ADAM9: variants seen among roughly 807,000 people sequenced by gnomAD.
ADAM9 encodes ADAM metallopeptidase domain 9, also known as disintegrin and metalloproteinase domain-containing protein 9.
In ADAM9, 54 loss-of-function variants were observed where a neutral mutation model predicts 108.1. The ratio of observed to expected loss-of-function variants is 0.50; its 90% CI spans 0.40 to 0.63. The LOEUF is 0.63. Among genes scored for constraint, ADAM9 ranks in the 20% least tolerant of loss-of-function variants. The probability of loss-of-function intolerance (pLI) is 0.00; values close to 1 mark genes in which losing one functional copy is unlikely to be tolerated. For synonymous variants in ADAM9, 316 were observed against 336.0 expected, an observed-to-expected ratio of 0.94 and a Z score of 0.65; for missense variants, 830 against 997.7, an observed-to-expected ratio of 0.83 and a Z score of 2.26.
intron 1 of ADAM9, among the ~76,000 whole-genome samples, chr8:39,004,931 C>T (rs757866205): frequency 1.5e-4 from 23 of 152,284 alleles, no homozygotes; most frequent in Non-Finnish European, 2.8e-4. Flanking sequence ...ACTGTTTTAT[C>T]AGCAAAGTCT....
intron 16 of ADAM9, among the ~76,000 whole-genome samples, chr8:39,079,497 G>T (rs977577436): frequency 2.0e-5 from 3 of 151,910 alleles, no homozygotes; most frequent in African/African-American, 7.3e-5. Context: ...GCCATTTTTT[G>T]AGGCTTCTCA....
At chr8:39,072,105 G>A (rs1838713820) in intron 15 of ADAM9, among the ~76,000 whole-genome samples, 1 of 152,060 alleles carries the variant, frequency 6.6e-6, no homozygotes, top group African/African-American at 2.4e-5. Flanking sequence ...TCAAGATGAT[G>A]AATTTAAAAT....
intron 11 of ADAM9, among the ~76,000 whole-genome samples, chr8:39,033,490 G>A (rs1837167726): frequency 2.7e-5 from 4 of 150,894 alleles, no homozygotes; most frequent in Admixed American, 2.0e-4. Flanking sequence ...AGCATTGACA[G>A]TGTGTTTTTT....
chr8:39,020,768 G>A (rs1836711615), intron 7 of ADAM9, among the ~76,000 whole-genome samples: 2 of 151,814 alleles, frequency 1.3e-5, no homozygotes, highest in South Asian at 2.1e-4. Flanking sequence ...ATGTCACTTC[G>A]TTTTTCTGTC....
chr8:39,002,539 T>C (rs925185694), intron 1 of ADAM9, among the ~76,000 whole-genome samples: 2 of 151,852 alleles, frequency 1.3e-5, no homozygotes, highest in African/African-American at 4.8e-5. Context: ...GCCAGGCTGG[T>C]CTGGAATTCC....
At chr8:39,043,527 T>A (rs941758180) in intron 12 of ADAM9, among the ~76,000 whole-genome samples, 2 of 152,184 alleles carry the variant, frequency 1.3e-5, no homozygotes, top group Non-Finnish European at 2.9e-5. Context: ...TGATGATGAG[T>A]GACATTGAGC....
At chr8:39,008,417 G>T (rs568592158) in intron 2 of ADAM9, among the ~76,000 whole-genome samples, 7 of 152,024 alleles carry the variant, frequency 4.6e-5, no homozygotes, top group Non-Finnish European at 7.4e-5. Context: ...CAGGTCATTC[G>T]CCTGCCTCGG....
intron 20 of ADAM9, among the ~76,000 whole-genome samples, chr8:39,099,366 C>A (rs1021891667): frequency 1.9e-4 from 29 of 152,136 alleles, no homozygotes; most frequent in African/African-American, 6.8e-4. Context: ...TTCTTACTTC[C>A]CACCAACCCA....
intron 18 of ADAM9, among the ~76,000 whole-genome samples, chr8:39,083,540 T>A (rs373238938): frequency 6.6e-6 from 1 of 152,232 alleles, no homozygotes; most frequent in African/African-American, 2.4e-5. Context: ...TTTCCTGTAC[T>A]AGGCTACTAT....
chr8:39,064,989 G>A (rs1055605966), intron 14 of ADAM9, among the ~76,000 whole-genome samples: 1 of 152,162 alleles, frequency 6.6e-6, no homozygotes, highest in African/African-American at 2.4e-5. Context: ...GATATGCCTT[G>A]ATGTGGGTTT....
Position 39,104,307 on chromosome 8 carries a change from T to A in ADAM9, c.*607T>A. 2.2e-6 allele frequency: 1 copy of A among 453,026 alleles called. No individual in the cohort carries two copies. The highest frequency in any genetic ancestry group is 1.6e-5 in the South Asian group (1 of 64,330). The allele number at this position is 453,026 out of a possible 1,614,324, so 28.1% of individuals were successfully genotyped here. A position where few individuals can be genotyped will look rare whatever the true frequency, so the allele number is the denominator to read the frequency against. On this transcript the variant is annotated 3_prime_UTR_variant, in exon 22 of 22. Transcript: ENST00000487273. ...ATTATTTTGAAAGTACAAAATATAC[T>A]AAAAGAGTGTGTGTGTATTCACGCA...
At chr8:39,036,356 A>G (rs1837275301) in intron 11 of ADAM9, among the ~76,000 whole-genome samples, 1 of 123,358 alleles carries the variant, frequency 8.1e-6, no homozygotes. Flanking sequence ...CAGCACTTAG[A>G]ATCTTCTCTT....
At chr8:39,063,621 C>G (rs974997912) in intron 14 of ADAM9, among the ~76,000 whole-genome samples, 13 of 152,182 alleles carry the variant, frequency 8.5e-5, no homozygotes, top group Non-Finnish European at 1.3e-4. Context: ...ACTTGGGAGG[C>G]TGAGGCAGGA....
chr8:39,088,284 G>C (rs1373548921), intron 18 of ADAM9, among the ~76,000 whole-genome samples: 1 of 121,324 alleles, frequency 8.2e-6, no homozygotes, highest in African/African-American at 2.9e-5. Context: ...TTTTTTTTTT[G>C]AGATGGAGTC....
intron 11 of ADAM9, among the ~76,000 whole-genome samples, chr8:39,031,246 C>G (rs1399921574): frequency 6.6e-6 from 1 of 152,182 alleles, no homozygotes; most frequent in Non-Finnish European, 1.5e-5. Context: ...GATGTAAGAT[C>G]TGTGTCTAGA....
At chr8:39,099,259 C>A (rs563272128) in intron 20 of ADAM9, among the ~76,000 whole-genome samples, 1 of 152,184 alleles carries the variant, frequency 6.6e-6, no homozygotes, top group Non-Finnish European at 1.5e-5. Context: ...CGCATACTGC[C>A]ACCTGCCAAG....
intron 20 of ADAM9, among the ~76,000 whole-genome samples, chr8:39,101,397 A>G (rs1391954817): frequency 3.3e-5 from 5 of 152,166 alleles, no homozygotes; most frequent in Admixed American, 6.5e-5. Flanking sequence ...TAGTACTTAT[A>G]TGTGAATAAA....
intron 14 of ADAM9, among the ~76,000 whole-genome samples, chr8:39,059,640 A>G (rs1209041103): frequency 6.6e-6 from 1 of 152,224 alleles, no homozygotes; most frequent in African/African-American, 2.4e-5. Flanking sequence ...TTTGCCCTAC[A>G]ACCCAGTCAT....
At chr8:39,074,312 G>T (rs543766319) in intron 15 of ADAM9, among the ~76,000 whole-genome samples, 1 of 151,842 alleles carries the variant, frequency 6.6e-6, no homozygotes, top group Admixed American at 6.6e-5. Context: ...CACTAAAAGG[G>T]TTATCTTTTA....
Sources: allele counts gnomAD v4.1 joint callset (sites outside exome capture counted in the v4.1 genomes callset), GRCh38; gene constraint gnomAD v4.1.1; transcripts MANE v1.5; gene names NCBI Gene and HGNC (gene_info 2026-07-23, HGNC 2026-07-21).